The following POU3F3 variants were observed in gnomAD, a reference collection of about 807,000 sequenced individuals.
POU3F3 encodes the protein POU domain, class 3, transcription factor 3.
In POU3F3, 1 loss-of-function variant was observed where a neutral mutation model predicts 8.6. The observed-to-expected ratio is 0.12, with a 90% CI of 0.04 to 0.55. The LOEUF is 0.55. Among genes scored for constraint, POU3F3 ranks in the 20% least tolerant of loss-of-function variants. The probability of loss-of-function intolerance (pLI) is 0.91; values close to 1 mark genes in which losing one functional copy is unlikely to be tolerated. For missense variants in POU3F3, 577 were observed against 690.7 expected, an observed-to-expected ratio of 0.84 and a Z score of 1.84; for synonymous variants, 418 against 327.4, an observed-to-expected ratio of 1.28 and a Z score of -2.99.
the POU3F3 span, among the ~76,000 whole-genome samples, chr2:104,909,675 TC>T: frequency 1.6e-4 from 25 of 152,194 alleles, no homozygotes; most frequent in Non-Finnish European, 3.4e-4. Context: ...CACAGTCAAC[TC>T]CCATTTTGAC....
Position 104,855,606 on chromosome 2 carries a change from C to A in POU3F3, c.96C>A (p.Gly32=), listed in dbSNP as rs1474822882. 1.2e-6 allele frequency: 1 copy of A among 850,996 alleles called. No homozygotes were observed. The highest frequency in any genetic ancestry group is 1.3e-6 in the Non-Finnish European group (1 of 750,332). The allele number at this position is 850,996 out of a possible 1,614,324, so 52.7% of individuals were successfully genotyped here. Residue 32 remains glycine, a synonymous_variant, in exon 1 of 1, where the codon GGC becomes GGA. Coordinates refer to ENST00000361360, the MANE Select transcript of POU3F3 (RefSeq NM_006236.3). Reference sequence around the variant, plus strand: ...CGGACGCGGCAGGGGCTGGCGGCGGCGGGGGTGGCGGCGGCGGCGGCGGCG... The same window carrying A: ...CGGACGCGGCAGGGGCTGGCGGCGGAGGGGGTGGCGGCGGCGGCGGCGGCG... ...VHSDAAGAGG[G]GGGGGGGGGG... is the part of the protein sequence containing the mutation.
At chr2:104,914,688 C>T in the POU3F3 span, among the ~76,000 whole-genome samples, 1 of 152,146 alleles carries the variant, frequency 6.6e-6, no homozygotes, top group African/African-American at 2.4e-5. Flanking sequence ...GGCTTAGGGA[C>T]TTTTGCTTTA....
the POU3F3 span, among the ~76,000 whole-genome samples, chr2:104,911,690 G>A: frequency 6.6e-6 from 1 of 151,948 alleles, no homozygotes; most frequent in Admixed American, 6.6e-5. Flanking sequence ...AGGTAAGGAG[G>A]AGAGTGGAGG....
At chr2:104,853,813 G>T (rs1442317788), upstream of POU3F3, 1 of 152,012 alleles carries the variant, frequency 6.6e-6, no homozygotes, top group East Asian at 1.9e-4. Context: ...GAACGCCAAC[G>T]TCTGGGCCGG....
At position 104,857,087 on chromosome 2, in the gene POU3F3, TGCCGCCGCC is replaced by T. The variant is rs895839135; in HGVS notation, c.*95_*103del. On this transcript the variant is annotated 3_prime_UTR_variant, in exon 1 of 1. Coordinates refer to ENST00000361360, the MANE Select transcript of POU3F3 (RefSeq NM_006236.3). Reference sequence around the variant, plus strand: ...CCGCCGTCAGCACCGCCGCCGCCCCTGCCGCCGCCGCCGCCGCCGCCGCCGCCGCTGCCG... The same window carrying T: ...CCGCCGTCAGCACCGCCGCCGCCCCTGCCGCCGCCGCCGCCGCCGCTGCCG... The T allele has an allele frequency of 1.9e-3, 1,946 of 1,002,208 alleles. No individual in the cohort carries two copies. The highest frequency in any genetic ancestry group is 2.1e-3 in the Non-Finnish European group (1,747 of 839,168). 62.1% of individuals were successfully genotyped at this position (1,002,208 alleles called of 1,614,324 possible). A position where few individuals can be genotyped will look rare whatever the true frequency, so the allele number is the denominator to read the frequency against.
At chr2:104,913,120 C>T in the POU3F3 span, among the ~76,000 whole-genome samples, 3 of 151,916 alleles carry the variant, frequency 2.0e-5, no homozygotes, top group Non-Finnish European at 4.4e-5. Context: ...TTTGTTGGGC[C>T]TTGTTCTCCA....
At chr2:104,914,084 G>A in the POU3F3 span, among the ~76,000 whole-genome samples, 1 of 152,114 alleles carries the variant, frequency 6.6e-6, no homozygotes, top group South Asian at 2.1e-4. Context: ...TATGTTCTTG[G>A]GATATTTCTA....
Position 104,856,320 on chromosome 2 carries a change from C to T in POU3F3, c.810C>T (p.His270=), listed in dbSNP as rs1319788926. 7.1e-7 allele frequency: 1 copy of T among 1,399,986 alleles called. No homozygotes were observed. Among genetic ancestry groups the T allele is most frequent in the Non-Finnish European group, 9.3e-7 (1 of 1,071,146 alleles). The allele number at this position is 1,399,986 out of a possible 1,614,324, so 86.7% of individuals were successfully genotyped here. ...VRGDTPELAE[H]HHHHHHHAHP... ...GGGACACGCCAGAGCTGGCCGAGCA[C>T]CACCACCACCACCACCACCACGCGC... is the stretch of plus-strand genomic sequence containing the variant. The change falls in exon 1 of 1, where the codon CAC becomes CAT. Residue 270 remains histidine, a synonymous_variant. Transcript: ENST00000361360.
chr2:104,874,148 G>C, the POU3F3 span, among the ~76,000 whole-genome samples: 2 of 152,190 alleles, frequency 1.3e-5, no homozygotes, highest in Non-Finnish European at 2.9e-5. Context: ...GTGGCCCCAG[G>C]AGAGCTGAAA....
At chr2:104,893,740 G>T in the POU3F3 span, among the ~76,000 whole-genome samples, 3 of 151,958 alleles carry the variant, frequency 2.0e-5, no homozygotes, top group Non-Finnish European at 4.4e-5. Flanking sequence ...AAAATGAGCC[G>T]GGCATGGTGG....
chr2:104,908,082 T>C, the POU3F3 span, among the ~76,000 whole-genome samples: 1 of 152,222 alleles, frequency 6.6e-6, no homozygotes, highest in Non-Finnish European at 1.5e-5. Context: ...AAATGATTAA[T>C]TTATTAACAT....
chr2:104,897,962 A>G, the POU3F3 span, among the ~76,000 whole-genome samples: 2 of 152,134 alleles, frequency 1.3e-5, no homozygotes, highest in African/African-American at 4.8e-5. Context: ...CCCAAGAAAA[A>G]ATTGTTTTCC....
chr2:104,855,775 C>T lies in POU3F3; in HGVS notation c.265C>T (p.His89Tyr). ...GGCCATGGCCGCCAGCAACGGCGGC[C>T]ATATGCTGAGCCACGCGCACCAGTG... is the stretch of plus-strand genomic sequence containing the variant. Reference protein sequence around the residue: ...QGAMAASNGGHMLSHAHQWVT... With the variant: ...QGAMAASNGGYMLSHAHQWVT... Residue 89 changes from histidine (H) to tyrosine (Y), a missense_variant, in exon 1 of 1, where the codon CAT becomes TAT. Around this residue, in one of 7 missense-constraint regions of POU3F3, gnomAD observed 484 missense variants for 422.6 expected, o/e 1.15. Coordinates refer to ENST00000361360, the MANE Select transcript of POU3F3 (RefSeq NM_006236.3). 7.5e-7 allele frequency: 1 copy of T among 1,329,006 alleles called. No individual in the cohort carries two copies. The highest frequency in any genetic ancestry group is 9.8e-7 in the Non-Finnish European group (1 of 1,018,366). 82.3% of individuals were successfully genotyped at this position (1,329,006 alleles called of 1,614,324 possible).
chr2:104,874,963 C>T, the POU3F3 span, among the ~76,000 whole-genome samples: 73 of 152,278 alleles, frequency 4.8e-4, no homozygotes, highest in African/African-American at 1.7e-3. Flanking sequence ...ATCTGAAACT[C>T]GCTACTCATT....
chr2:104,882,851 C>A, the POU3F3 span, among the ~76,000 whole-genome samples: 16 of 152,206 alleles, frequency 1.1e-4, no homozygotes, highest in Non-Finnish European at 1.9e-4. Flanking sequence ...TAACTTTCTT[C>A]CTCTAAAAAA....
rs576061892 is a variant in POU3F3 at position 104,856,969 on chromosome 2, G to A, written c.1459G>A (p.Asp487Asn). ...CTCGCAGGTGGGCACCGTGAGCGCC[G>A]ACACGCCGCCGCCTCACCACGGGCT... ...VYSQVGTVSA[D>N]TPPPHHGLQT... The change falls in exon 1 of 1, where the codon GAC (aspartate) becomes AAC (asparagine). Residue 487 changes from aspartate (D) to asparagine (N), a missense_variant. Physicochemically the swap from Asp to Asn is conservative, Grantham distance 23. Transcript: ENST00000361360. 3 of 1,610,874 alleles carry A rather than the reference G, an allele frequency of 1.9e-6. 1 individual carries two copies. Among genetic ancestry groups the A allele is most frequent in the East Asian group, 4.5e-5 (2 of 44,832 alleles).
chr2:104,854,705 C>G lies in POU3F3; in HGVS notation c.-806C>G, dbSNP rs981229919. On this transcript the variant is annotated 5_prime_UTR_variant, in exon 1 of 1. Coordinates refer to ENST00000361360, the MANE Select transcript of POU3F3 (RefSeq NM_006236.3). The surrounding 1 kb of genome is among the most constrained non-coding windows in gnomAD (Gnocchi z 4.5). ...GAAGTTTTCCTAGGACAGAACAAAA[C>G]TTGAAACGAGAGGACCAGAGGGGGA... Among the ~76,000 whole-genome samples, 4 of 152,144 alleles carry G rather than the reference C, an allele frequency of 2.6e-5. No individual in the cohort carries two copies. Among genetic ancestry groups the G allele is most frequent in the African/African-American group, 9.7e-5 (4 of 41,428 alleles).
the POU3F3 span, among the ~76,000 whole-genome samples, chr2:104,886,204 A>AC: frequency 6.6e-6 from 1 of 151,826 alleles, no homozygotes; most frequent in Non-Finnish European, 1.5e-5. Flanking sequence ...CTGGATCGGG[A>AC]CCCCTTTCCA....
At chr2:104,864,850 A>G in the POU3F3 span, among the ~76,000 whole-genome samples, 1 of 152,218 alleles carries the variant, frequency 6.6e-6, no homozygotes, top group Non-Finnish European at 1.5e-5. Context: ...ACTCTTCAGA[A>G]AAGAAGTTTG....
Sources: allele counts gnomAD v4.1 joint callset (sites outside exome capture counted in the v4.1 genomes callset), GRCh38; gene constraint gnomAD v4.1.1; regional missense constraint gnomAD v4.1.1; non-coding constraint Gnocchi (gnomAD v3.1); transcripts MANE v1.5; gene names NCBI Gene and HGNC (gene_info 2026-07-23, HGNC 2026-07-21).